The following UNC13B variants were observed in gnomAD, a reference collection of about 807,000 sequenced individuals.
UNC13B encodes protein unc-13 homolog B.
UNC13B carries 144 observed loss-of-function variants against 211.0 expected under a neutral mutation model. That is an observed-to-expected ratio of 0.68 (90% CI 0.60 to 0.78). UNC13B has a LOEUF of 0.78. Among genes scored for constraint, UNC13B ranks in the 30% least tolerant of loss-of-function variants. UNC13B has a pLI of 0.00. For missense variants in UNC13B, 1,777 were observed against 2,002.0 expected (o/e 0.89, Z 2.14); for synonymous variants, 709 against 725.8 (o/e 0.98, Z 0.37).
chr9:35,172,211 T>C (rs545644691), intron 1 of UNC13B, among the ~76,000 whole-genome samples: 90 of 151,882 alleles, frequency 5.9e-4, no homozygotes, highest in African/African-American at 2.1e-3. Context: ...ATGTCATAGA[T>C]GTATGTGTTT....
intron 1 of UNC13B, among the ~76,000 whole-genome samples, chr9:35,203,596 C>G (rs1823454718): frequency 6.6e-6 from 1 of 152,140 alleles, no homozygotes; most frequent in Non-Finnish European, 1.5e-5. Flanking sequence ...AACATTTTTT[C>G]CTTCATTTCA....
intron 39 of UNC13B, 73 bp downstream of exon 39, chr9:35,403,672 CG>C (rs1836490430): frequency 3.3e-6 from 4 of 1,201,688 alleles, no homozygotes; most frequent in African/African-American, 2.3e-5. Flanking sequence ...GAGGAGGGCC[CG>C]GGGGGATGGC....
At chr9:35,265,745 C>T (rs1167941873) in intron 7 of UNC13B, among the ~76,000 whole-genome samples, 1 of 151,966 alleles carries the variant, frequency 6.6e-6, no homozygotes, top group Non-Finnish European at 1.5e-5. Flanking sequence ...AAGACTAGTC[C>T]AAGCAACATA....
chr9:35,195,427 C>T (rs1822882825), intron 1 of UNC13B, among the ~76,000 whole-genome samples: 1 of 152,022 alleles, frequency 6.6e-6, no homozygotes, highest in African/African-American at 2.4e-5. Context: ...TGTATAAAAC[C>T]AGTCTGTAAC....
At chr9:35,399,100 C>T (rs1470057292) in intron 33 of UNC13B, 61 bp from the exon 34 acceptor site, 5 of 1,613,908 alleles carry the variant, frequency 3.1e-6, no homozygotes, top group Non-Finnish European at 4.2e-6. Context: ...GCAAGGGAGC[C>T]CCTTGGGGAG....
chr9:35,165,423 T>A (rs1267786769), intron 1 of UNC13B, among the ~76,000 whole-genome samples: 1 of 151,682 alleles, frequency 6.6e-6, no homozygotes, highest in African/African-American at 2.4e-5. Flanking sequence ...TTTTTTTTTT[T>A]TTTTTTTTAA....
intron 11 of UNC13B, among the ~76,000 whole-genome samples, chr9:35,347,744 G>A (rs1832454795): frequency 6.6e-6 from 1 of 152,210 alleles, no homozygotes; most frequent in Admixed American, 6.5e-5. Context: ...AGCTGCTATG[G>A]CAGCTCTAGT....
chr9:35,325,149 A>G (rs1830937739), intron 11 of UNC13B, among the ~76,000 whole-genome samples: 1 of 152,212 alleles, frequency 6.6e-6, no homozygotes, highest in Non-Finnish European at 1.5e-5. Flanking sequence ...TGAGGTAACT[A>G]TCTTATGCAC....
rs767470020 is a variant in UNC13B at position 35,162,264 on chromosome 9, G to A, written c.-20G>A. 6.5e-7 allele frequency: 1 copy of A among 1,541,432 alleles called. No homozygotes were observed. Among genetic ancestry groups the A allele is most frequent in the South Asian group, 1.2e-5 (1 of 84,104 alleles). On this transcript the variant is annotated 5_prime_UTR_variant, in exon 1 of 40. Transcript: ENST00000635942. Reference sequence around the variant, plus strand: ...TCCGGCGCGGCTGGGGCGCGGCAGAGGCTTGCCCGATCCTCGGCCATGTCA... The same window carrying A: ...TCCGGCGCGGCTGGGGCGCGGCAGAAGCTTGCCCGATCCTCGGCCATGTCA...
intron 18 of UNC13B, 115 bp downstream of exon 18, chr9:35,380,754 C>A: frequency 7.5e-7 from 1 of 1,341,972 alleles, no homozygotes; most frequent in Non-Finnish European, 1.0e-6. Flanking sequence ...TATACAGAGC[C>A]TGTCTCACCT....
At chr9:35,255,866 C>T (rs919049449) in intron 6 of UNC13B, among the ~76,000 whole-genome samples, 20 of 152,220 alleles carry the variant, frequency 1.3e-4, no homozygotes, top group Admixed American at 5.9e-4. Flanking sequence ...GACTGGTCCC[C>T]GGGCAAGAAG....
intron 13 of UNC13B, among the ~76,000 whole-genome samples, chr9:35,371,757 G>A (rs1286889868): frequency 6.6e-6 from 1 of 152,062 alleles, no homozygotes; most frequent in African/African-American, 2.4e-5. Context: ...CTAGGCTTTG[G>A]GTCCTGGCCA....
chr9:35,384,131 C>A lies in UNC13B; in HGVS notation c.10807-115C>A, dbSNP rs978802161. On this transcript the variant is annotated intron_variant, in intron 21 of 39. Coordinates refer to ENST00000635942, the MANE Select transcript of UNC13B (RefSeq NM_001371189.2). ...CCATGGGCAGGGATGTGTCTCCAAC[C>A]CAATGCCTCCCGACTCTTTCTACTC... is the stretch of plus-strand genomic sequence containing the variant. 1.2e-5 allele frequency: 18 copies of A among 1,511,368 alleles called. No homozygotes were observed. In the African/African-American group the frequency reaches 2.2e-4, roughly 19 times the overall value. 93.6% of individuals were successfully genotyped at this position (1,511,368 alleles called of 1,614,324 possible). A position where few individuals can be genotyped will look rare whatever the true frequency, so the allele number is the denominator to read the frequency against.
chr9:35,246,419 C>G (rs1340354201), intron 6 of UNC13B, among the ~76,000 whole-genome samples: 3 of 152,106 alleles, frequency 2.0e-5, no homozygotes, highest in Non-Finnish European at 4.4e-5. Flanking sequence ...TCATGAAGTC[C>G]TTGCCCATGC....
At chr9:35,351,485 A>T in intron 11 of UNC13B, 1 of 1,232,038 alleles carries the variant, frequency 8.1e-7, no homozygotes, top group Non-Finnish European at 1.0e-6. Context: ...GACCAGAAAT[A>T]AGAGGAAGAA....
At chr9:35,191,563 A>T (rs1489083135) in intron 1 of UNC13B, among the ~76,000 whole-genome samples, 1 of 152,214 alleles carries the variant, frequency 6.6e-6, no homozygotes, top group Non-Finnish European at 1.5e-5. Flanking sequence ...GGAGGCTACA[A>T]GATTTTATCC....
chr9:35,338,406 A>G (rs914611457), intron 11 of UNC13B, among the ~76,000 whole-genome samples: 1 of 152,152 alleles, frequency 6.6e-6, no homozygotes, highest in Non-Finnish European at 1.5e-5. Context: ...TTAGTGCATC[A>G]GTAAAGTCAG....
rs760939063 is a variant in UNC13B, at chr9:35,366,988, G to A, written c.9456G>A (p.Pro3152=). 2.4e-5 allele frequency: 39 copies of A among 1,613,398 alleles called. No homozygotes were observed. The highest frequency in any genetic ancestry group is 2.2e-4 in the South Asian group (20 of 91,064). Residue 3152 remains proline, a synonymous_variant, in exon 12 of 40, where the codon CCG becomes CCA. Transcript: ENST00000635942. ...ACCCCTCTCTGCCTCAGTGGCTCCC[G>A]GAAGGGTAAGTAATTCACTGCAAGG... The part of the protein sequence containing the change: ...DGDPSLPQWL[P]EGPAGGLYGI...
chr9:35,268,360 C>T (rs1827689325), intron 7 of UNC13B, among the ~76,000 whole-genome samples: 2 of 152,192 alleles, frequency 1.3e-5, no homozygotes, highest in South Asian at 4.1e-4. Context: ...TGGCTCACGC[C>T]TGTAATCCCA....
Sources: gnomAD v4.1 joint callset for allele counts (sites outside exome capture counted in the v4.1 genomes callset) on GRCh38, gnomAD v4.1.1 for gene constraint, MANE v1.5 for transcripts, NCBI Gene and HGNC (gene_info 2026-07-23, HGNC 2026-07-21) for gene names.